SH2D4B: variants seen among roughly 807,000 people sequenced by gnomAD.
SH2D4B encodes the protein SH2 domain-containing protein 4B.
Under a neutral mutation model 61.5 loss-of-function variants are expected in SH2D4B, and 45 were observed. That is an observed-to-expected ratio of 0.73 (90% CI 0.58 to 0.94). SH2D4B has a LOEUF of 0.94. Among genes scored for constraint, SH2D4B ranks in the 40% least tolerant of loss-of-function variants. The pLI, the probability that SH2D4B is intolerant of heterozygous loss-of-function variation, is 0.00. For missense variants in SH2D4B, 572 were observed against 574.2 expected, an observed-to-expected ratio of 1.00 and a Z score of 0.04; for synonymous variants, 224 against 220.4, an observed-to-expected ratio of 1.02 and a Z score of -0.14.
intron 6 of SH2D4B, 24 bp downstream of exon 6, chr10:80,609,575 G>A: frequency 6.2e-7 from 1 of 1,613,580 alleles, no homozygotes. Flanking sequence ...TCTGGGCCCT[G>A]TGCCAGATGA....
At chr10:80,606,496 G>A (rs558927909) in intron 5 of SH2D4B, among the ~76,000 whole-genome samples, 4 of 151,900 alleles carry the variant, frequency 2.6e-5, no homozygotes, top group African/African-American at 4.8e-5. Flanking sequence ...ACAGGCGCGC[G>A]CCAGTACACC....
In SH2D4B at chr10:80,538,508, C is replaced by A; in HGVS notation, c.177C>A (p.Thr59=). 1 of 1,394,664 alleles carries A rather than the reference C, an allele frequency of 7.2e-7. No homozygotes were observed. The highest frequency in any genetic ancestry group is 2.7e-5 in the East Asian group (1 of 37,202). The allele number at this position is 1,394,664 out of a possible 1,614,324, so 86.4% of individuals were successfully genotyped here. ...ACGAGGGTCTCAGGCCTCCAAAGAC[C>A]AAGCGAGGTACGTGGCTGGGAGTCA... is the stretch of plus-strand genomic sequence containing the variant. ...AQDEGLRPPK[T]KRAASDKHIQ... The change falls in exon 1 of 8, where the codon ACC becomes ACA. Residue 59 remains threonine, a synonymous_variant. Transcript: ENST00000646907. The surrounding 1 kb of genome is among the most constrained non-coding windows in gnomAD (Gnocchi z 4.8).
intron 6 of SH2D4B, among the ~76,000 whole-genome samples, chr10:80,612,237 G>A (rs1007807262): frequency 8.8e-5 from 12 of 136,122 alleles, no homozygotes; most frequent in African/African-American, 3.4e-4. Context: ...GTCTGGAACA[G>A]TGAGTGTGTT....
At chr10:80,558,849 G>A (rs949111115) in intron 1 of SH2D4B, among the ~76,000 whole-genome samples, 1 of 152,158 alleles carries the variant, frequency 6.6e-6, no homozygotes, top group Non-Finnish European at 1.5e-5. Flanking sequence ...TTTTTAGTAT[G>A]TTCATAGATA....
At chr10:80,603,173 G>A (rs1006261565) in intron 4 of SH2D4B, among the ~76,000 whole-genome samples, 3 of 152,254 alleles carry the variant, frequency 2.0e-5, no homozygotes, top group South Asian at 4.1e-4. Context: ...AGCTGAGTGG[G>A]CAGAGGATTT....
intron 3 of SH2D4B, among the ~76,000 whole-genome samples, chr10:80,583,110 G>A (rs1842202418): frequency 6.6e-6 from 1 of 152,136 alleles, no homozygotes; most frequent in Non-Finnish European, 1.5e-5. Flanking sequence ...TGTATGACAG[G>A]CACCAAATCA....
At chr10:80,598,599 C>G (rs775235718) in intron 4 of SH2D4B, among the ~76,000 whole-genome samples, 2 of 152,096 alleles carry the variant, frequency 1.3e-5, no homozygotes, top group African/African-American at 4.8e-5. Context: ...TATGGGGGAG[C>G]AGCAGTTTTT....
chr10:80,575,185 C>T (rs1842110357), intron 3 of SH2D4B, among the ~76,000 whole-genome samples: 1 of 149,246 alleles, frequency 6.7e-6, no homozygotes, highest in Non-Finnish European at 1.5e-5. Flanking sequence ...CATTTGCCTT[C>T]TCTCTCTGGC....
At chr10:80,549,875 C>T (rs1017892565) in intron 1 of SH2D4B, among the ~76,000 whole-genome samples, 2 of 152,228 alleles carry the variant, frequency 1.3e-5, no homozygotes, top group African/African-American at 2.4e-5. Context: ...CACCCACAGT[C>T]ACCGGTGCTG....
chr10:80,609,449 C>T lies in SH2D4B; in HGVS notation c.886C>T (p.Pro296Ser), dbSNP rs771511707. 5 of 1,614,068 alleles carry T rather than the reference C, an allele frequency of 3.1e-6. No homozygotes were observed. Among genetic ancestry groups the T allele is most frequent in the East Asian group, 4.5e-5 (2 of 44,870 alleles). The change falls in exon 6 of 8, where the codon CCA becomes TCA. Residue 296 changes from proline (P) to serine (S), a missense_variant. Pro to Ser is a moderately conservative substitution (Grantham distance 74). Transcript: ENST00000646907. The stretch of plus-strand genomic sequence containing the variant: ...CAGGACCTGGGAGCGCCCGCTGCGC[C>T]CAGTCTCCAGAGATGTCATCGTCCG... ...VSRTWERPLR[P>S]VSRDVIVRWF... is the part of the protein sequence containing the mutation.
intron 7 of SH2D4B, among the ~76,000 whole-genome samples, chr10:80,635,498 A>G (rs1052310974): frequency 2.0e-5 from 3 of 152,186 alleles, no homozygotes; most frequent in African/African-American, 7.2e-5. Flanking sequence ...CTCTTCATGG[A>G]AGTCCCTAGA....
At chr10:80,639,457 G>A (rs1163923787) in intron 7 of SH2D4B, among the ~76,000 whole-genome samples, 2 of 151,862 alleles carry the variant, frequency 1.3e-5, no homozygotes, top group Non-Finnish European at 2.9e-5. Context: ...TGCTTTATCT[G>A]GGTGCTCCTG....
chr10:80,622,144 A>G (rs758147536), intron 6 of SH2D4B, among the ~76,000 whole-genome samples: 104 of 144,012 alleles, frequency 7.2e-4, no homozygotes, highest in Non-Finnish European at 1.3e-3. Context: ...GCCCACCCCC[A>G]TGGCTTATTA....
chr10:80,595,463 T>C (rs1204638995), intron 4 of SH2D4B, among the ~76,000 whole-genome samples: 1 of 152,176 alleles, frequency 6.6e-6, no homozygotes, highest in Non-Finnish European at 1.5e-5. Flanking sequence ...AGGGGGCCCA[T>C]GGTCCCTGGT....
chr10:80,571,347 C>A (rs2132118477), intron 2 of SH2D4B, 84 bp from the exon 3 acceptor site: 1 of 1,475,910 alleles, frequency 6.8e-7, no homozygotes, highest in East Asian at 2.4e-5. Flanking sequence ...GGAAAAATTG[C>A]TCATTGTTTT....
intron 3 of SH2D4B, among the ~76,000 whole-genome samples, chr10:80,585,827 G>A (rs939103028): frequency 2.6e-5 from 4 of 152,286 alleles, no homozygotes; most frequent in African/African-American, 7.2e-5. Flanking sequence ...CCCCTTTCTG[G>A]GCTGGCCAAG....
chr10:80,594,538 A>G (rs1465981364), intron 4 of SH2D4B, among the ~76,000 whole-genome samples: 1 of 152,216 alleles, frequency 6.6e-6, no homozygotes, highest in Non-Finnish European at 1.5e-5. Context: ...TCTATTTCTC[A>G]TGATGAATTT....
At chr10:80,566,621 G>T (rs1841972643) in intron 1 of SH2D4B, among the ~76,000 whole-genome samples, 1 of 152,052 alleles carries the variant, frequency 6.6e-6, no homozygotes, top group South Asian at 2.1e-4. Context: ...TGTCCTTTGA[G>T]GTTGGGGTCA....
chr10:80,617,629 CA>C (rs142492996), intron 6 of SH2D4B, among the ~76,000 whole-genome samples: 3,461 of 152,250 alleles, frequency 0.023, 146 homozygotes, highest in African/African-American at 0.08. Flanking sequence ...GAAACAACAA[CA>C]AAAAATTCAA....
Sources: gnomAD v4.1 joint callset for allele counts (sites outside exome capture counted in the v4.1 genomes callset) on GRCh38, gnomAD v4.1.1 for gene constraint, Gnocchi (gnomAD v3.1) non-coding constraint, MANE v1.5 for transcripts, NCBI Gene and HGNC (gene_info 2026-07-23, HGNC 2026-07-21) for gene names.